GALNT9: variants seen among roughly 807,000 people sequenced by gnomAD.
GALNT9 encodes the protein polypeptide N-acetylgalactosaminyltransferase 9.
Under a neutral mutation model 63.1 loss-of-function variants are expected in GALNT9, and 47 were observed. The observed-to-expected ratio is 0.75, with a 90% CI of 0.59 to 0.95. The LOEUF (loss-of-function observed/expected upper bound fraction) is 0.95. Among genes scored for constraint, GALNT9 ranks in the 40% least tolerant of loss-of-function variants. GALNT9 has a pLI of 0.00. For missense variants in GALNT9, 829 were observed against 874.8 expected (o/e 0.95, Z 0.66); for synonymous variants, 396 against 365.7 (o/e 1.08, Z -0.94).
At chr12:132,271,477 TGAAGCCAGG>T (rs1879864101) in intron 2 of GALNT9, among the ~76,000 whole-genome samples, 1 of 152,288 alleles carries the variant, frequency 6.6e-6, no homozygotes, top group African/African-American at 2.4e-5. Flanking sequence ...TTTAAAACAA[TGAAGCCAGG>T]ACAGATCCAC....
chr12:132,324,472 G>A (rs1176878434), intron 1 of GALNT9, among the ~76,000 whole-genome samples: 2 of 152,236 alleles, frequency 1.3e-5, no homozygotes, highest in Non-Finnish European at 2.9e-5. Flanking sequence ...CGGCTGACCT[G>A]CCGGGGCCGC....
intron 6 of GALNT9, among the ~76,000 whole-genome samples, chr12:132,225,856 C>T (rs1169720354): frequency 6.8e-6 from 1 of 148,042 alleles, no homozygotes; most frequent in South Asian, 2.2e-4. Flanking sequence ...ACACCCCACA[C>T]ACTGTGTATA....
rs1270491647 is a variant in GALNT9 at position 132,238,476 on chromosome 12, A to G, written c.1077+9434T>C. Among the ~76,000 whole-genome samples, 1 of 152,152 alleles carries G rather than the reference A, an allele frequency of 6.6e-6. No homozygotes were observed. The highest frequency in any genetic ancestry group is 1.5e-5 in the Non-Finnish European group (1 of 67,998). On this transcript the variant is annotated intron_variant, in intron 6 of 10. Transcript: ENST00000328957. The surrounding 1 kb of genome is among the most constrained non-coding windows in gnomAD (Gnocchi z 6.5). ...GACATGGTGTCAAGGTCTCCTGGAC[A>G]TTGTGCCACTGCTGGTGCCAGAGAG...
intron 6 of GALNT9, chr12:132,240,714 G>T (rs1350707733): frequency 4.4e-6 from 2 of 455,732 alleles, no homozygotes; most frequent in Non-Finnish European, 8.8e-6. Flanking sequence ...TATCTTGCTG[G>T]AACCCTTCTG....
chr12:132,202,772 G>T (rs1431723616), intron 7 of GALNT9, among the ~76,000 whole-genome samples: 1 of 152,154 alleles, frequency 6.6e-6, no homozygotes, highest in African/African-American at 2.4e-5. Flanking sequence ...GGGGTGTGGC[G>T]GGATGGGTCG....
rs1211038889 is a variant in GALNT9, at chr12:132,286,412, C to T, written c.257G>A (p.Gly86Asp). 2 of 1,550,122 alleles carry T rather than the reference C, an allele frequency of 1.3e-6. No individual in the cohort carries two copies. Among genetic ancestry groups the T allele is most frequent in the African/African-American group, 2.7e-5 (2 of 73,006 alleles). The part of the protein sequence containing the change: ...NQLNGLAKPI[G>D]LVEGPGGLGQ... ...CAGGCCTCCTGGCCCCTCCACCAGG[C>T]CGATGGGCTTGGCAAGGCCTGGGGG... The change falls in exon 2 of 11, where the codon GGC becomes GAC. Residue 86 changes from glycine (G) to aspartate (D), a missense_variant. Gly to Asp is a moderately conservative substitution (Grantham distance 94). Transcript: ENST00000328957. The surrounding 1 kb of genome is among the most constrained non-coding windows in gnomAD (Gnocchi z 7.4).
At chr12:132,302,753 C>G (rs1555243952) in intron 1 of GALNT9, among the ~76,000 whole-genome samples, 1 of 152,206 alleles carries the variant, frequency 6.6e-6, no homozygotes, top group East Asian at 1.9e-4. Flanking sequence ...GCCAGGAGGG[C>G]AGGAAGGTGT....
intron 6 of GALNT9, among the ~76,000 whole-genome samples, chr12:132,244,754 C>G (rs1211108814): frequency 1.8e-4 from 4 of 21,788 alleles, no homozygotes; most frequent in African/African-American, 8.2e-4. Flanking sequence ...TGGGGCTGGA[C>G]GGGGGCGTGG....
intron 6 of GALNT9, chr12:132,240,736 G>C (rs2136899351): frequency 1.2e-4 from 54 of 455,712 alleles, no homozygotes; most frequent in South Asian, 2.6e-4. Context: ...TTCCTGGGAA[G>C]TTACCAGAAC....
chr12:132,240,815 C>G, intron 6 of GALNT9: 1 of 420,670 alleles, frequency 2.4e-6, no homozygotes, highest in Non-Finnish European at 4.8e-6. Context: ...ACACACCCTT[C>G]CCAAGGCCGT....
At chr12:132,276,275 G>T in intron 2 of GALNT9, 1 of 154,954 alleles carries the variant, frequency 6.5e-6, no homozygotes, top group East Asian at 1.9e-4. Flanking sequence ...GTGTGAAACG[G>T]GAAGATGTCA....
rs147079522 is a variant in GALNT9 at position 132,251,575 on chromosome 12, C to G, written c.960-3548G>C. Among the ~76,000 whole-genome samples the G allele has an allele frequency of 5.4e-4, 83 of 152,336 alleles. No individual in the cohort carries two copies. The East Asian group carries it at 0.012, about 22-fold the overall frequency. On this transcript the variant is annotated intron_variant, in intron 5 of 10. Coordinates refer to ENST00000328957, the MANE Select transcript of GALNT9 (RefSeq NM_001122636.2). ...CGGGCCCACACCGCCCTCCCAGGTC[C>G]TCTTCTGACCAGGAGAGGTCTCAGG...
At chr12:132,325,946 C>T (rs1184006567) in intron 1 of GALNT9, among the ~76,000 whole-genome samples, 13 of 152,384 alleles carry the variant, frequency 8.5e-5, no homozygotes, top group Non-Finnish European at 7.3e-5. Flanking sequence ...CGCTGCGACG[C>T]GGGCGACCGT....
rs138126704 is a variant in GALNT9 at position 132,264,807 on chromosome 12, A to G, written c.420-2182T>C. Among the ~76,000 whole-genome samples, 1,131 of 152,258 alleles carry G rather than the reference A, an allele frequency of 7.4e-3. 15 individuals are homozygous for G. Among genetic ancestry groups the G allele is most frequent in the Non-Finnish European group, 0.011 (780 of 68,010 alleles). Reference sequence around the variant, plus strand: ...TCAGGGCCTGGCAGGTGCGGCTCCTAGAAGTGGGGCCCGTGGATGCTGGAC... The same window carrying G: ...TCAGGGCCTGGCAGGTGCGGCTCCTGGAAGTGGGGCCCGTGGATGCTGGAC... On this transcript the variant is annotated intron_variant, in intron 2 of 10. Transcript: ENST00000328957.
At chr12:132,309,001 AC>A (rs1881719555) in intron 1 of GALNT9, among the ~76,000 whole-genome samples, 1 of 151,798 alleles carries the variant, frequency 6.6e-6, no homozygotes. Context: ...GACGCTGACA[AC>A]CCCGCCCCTC....
At chr12:132,223,235 C>G (rs1258885302) in intron 6 of GALNT9, among the ~76,000 whole-genome samples, 2 of 121,208 alleles carry the variant, frequency 1.7e-5, no homozygotes, top group Admixed American at 8.2e-5. Context: ...ACACCCCACA[C>G]AACCCACACC....
At chr12:132,322,466 G>A (rs782251246) in intron 1 of GALNT9, among the ~76,000 whole-genome samples, 42 of 152,214 alleles carry the variant, frequency 2.8e-4, no homozygotes, top group Admixed American at 1.8e-3. Flanking sequence ...GGCTGGGCCC[G>A]CAAATGCCAG....
At chr12:132,205,672 T>G (rs1430960633) in intron 6 of GALNT9, 4 of 152,292 alleles carry the variant, frequency 2.6e-5, no homozygotes, top group Non-Finnish European at 4.4e-5. Context: ...CAGGTTCACA[T>G]CGTGGCAGGT....
Position 132,197,787 on chromosome 12 carries a change from C to A in GALNT9, c.1665+5G>T. Reference sequence around the variant, plus strand: ...CCCCACGGCCCCCCTTCCCCAGAGGCTGACCTGGGTGAAGTCCCACAGCCG... The same window carrying A: ...CCCCACGGCCCCCCTTCCCCAGAGGATGACCTGGGTGAAGTCCCACAGCCG... On this transcript the variant is annotated splice_donor_5th_base_variant and intron_variant, in intron 10 of 10. Coordinates refer to ENST00000328957, the MANE Select transcript of GALNT9 (RefSeq NM_001122636.2). 1 of 1,435,524 alleles carries A rather than the reference C, an allele frequency of 7.0e-7. No individual in the cohort carries two copies. The highest frequency in any genetic ancestry group is 9.5e-7 in the Non-Finnish European group (1 of 1,048,242). 88.9% of individuals were successfully genotyped at this position (1,435,524 alleles called of 1,614,324 possible). A position where few individuals can be genotyped will look rare whatever the true frequency, so the allele number is the denominator to read the frequency against.
Sources: allele counts gnomAD v4.1 joint callset (sites outside exome capture counted in the v4.1 genomes callset), GRCh38; gene constraint gnomAD v4.1.1; non-coding constraint Gnocchi (gnomAD v3.1); transcripts MANE v1.5; gene names NCBI Gene and HGNC (gene_info 2026-07-23, HGNC 2026-07-21).